Variants in IL1RAPL2 observed in about 807,000 individuals in gnomAD.
The protein encoded by IL1RAPL2 is X-linked interleukin-1 receptor accessory protein-like 2.
Under a neutral mutation model 44.1 loss-of-function variants are expected in IL1RAPL2, and 3 were observed. The observed-to-expected ratio is 0.07, with a 90% CI of 0.03 to 0.18. The LOEUF (loss-of-function observed/expected upper bound fraction) is 0.18, where lower values mean the gene tolerates loss of function less well. Among genes scored for constraint, IL1RAPL2 ranks in the 10% least tolerant of loss-of-function variants. The pLI is 1.00. For synonymous variants in IL1RAPL2, 181 were observed against 178.8 expected, an observed-to-expected ratio of 1.01 and a Z score of -0.10; for missense variants, 391 against 496.4, an observed-to-expected ratio of 0.79 and a Z score of 2.02.
chrX:104,703,479 G>A (rs992568270), intron 2 of IL1RAPL2, among the ~76,000 whole-genome samples: 5 of 111,679 alleles, frequency 4.5e-5, no homozygotes, highest in African/African-American at 1.6e-4. Flanking sequence ...CTATTTATAT[G>A]ACTGTTTCCT....
At chrX:105,183,245 C>CG (rs1170235289) in intron 2 of IL1RAPL2, among the ~76,000 whole-genome samples, 9 of 110,427 alleles carry the variant, frequency 8.2e-5, no homozygotes, top group East Asian at 5.7e-4. Flanking sequence ...GGGGAGTAGG[C>CG]GGGGGGGCAA....
intron 2 of IL1RAPL2, among the ~76,000 whole-genome samples, chrX:104,950,506 G>C (rs915251905): frequency 8.9e-6 from 1 of 112,324 alleles, no homozygotes; most frequent in Non-Finnish European, 1.9e-5. Flanking sequence ...CACCCATTTC[G>C]AGCTTCGGGG....
intron 2 of IL1RAPL2, among the ~76,000 whole-genome samples, chrX:104,911,763 C>A (rs1924245747): frequency 8.9e-6 from 1 of 112,097 alleles, no homozygotes; most frequent in Non-Finnish European, 1.9e-5. Context: ...ATCACCATCT[C>A]TTGCTACTCT....
At chrX:104,950,808 C>T (rs762303077) in intron 2 of IL1RAPL2, among the ~76,000 whole-genome samples, 19 of 110,628 alleles carry the variant, frequency 1.7e-4, no homozygotes, top group Non-Finnish European at 3.2e-4. Context: ...CTGGGGTTCA[C>T]GTCATTCTCC....
At chrX:104,741,094 G>A (rs969846622) in intron 2 of IL1RAPL2, among the ~76,000 whole-genome samples, 3 of 111,491 alleles carry the variant, frequency 2.7e-5, no homozygotes, top group African/African-American at 3.3e-5. Flanking sequence ...CTTTAAGAGA[G>A]CCATTGTAAT....
intron 2 of IL1RAPL2, among the ~76,000 whole-genome samples, chrX:104,747,638 G>T (rs1421005340): frequency 9.0e-6 from 1 of 110,992 alleles, no homozygotes; most frequent in Non-Finnish European, 1.9e-5. Flanking sequence ...ATTAAGCTGT[G>T]GTCTAAAGTT....
At chrX:105,267,182 G>C (rs2034409501) in intron 4 of IL1RAPL2, among the ~76,000 whole-genome samples, 1 of 111,322 alleles carries the variant, frequency 9.0e-6, no homozygotes, top group Admixed American at 9.6e-5. Context: ...CCTTTGAAGT[G>C]GTTTGTAGTG....
intron 2 of IL1RAPL2, among the ~76,000 whole-genome samples, chrX:104,697,791 T>C (rs1931206154): frequency 8.9e-6 from 1 of 112,290 alleles, no homozygotes; most frequent in Non-Finnish European, 1.9e-5. Context: ...CTGCAATGAA[T>C]AGACAGAAAT....
intron 5 of IL1RAPL2, among the ~76,000 whole-genome samples, chrX:105,295,790 C>T (rs1433379513): frequency 9.0e-6 from 1 of 111,550 alleles, no homozygotes; most frequent in Non-Finnish European, 1.9e-5. Flanking sequence ...GAGTATAGCA[C>T]TGAATTACTT....
chrX:105,073,183 A>G (rs1472221433), intron 2 of IL1RAPL2, among the ~76,000 whole-genome samples: 1 of 76,081 alleles, frequency 1.3e-5, no homozygotes, highest in African/African-American at 4.8e-5. Flanking sequence ...TCCTAATGCT[A>G]TCCCTCCCCC....
At chrX:105,326,925 A>G (rs1468016805) in intron 5 of IL1RAPL2, among the ~76,000 whole-genome samples, 1 of 111,714 alleles carries the variant, frequency 9.0e-6, no homozygotes, top group African/African-American at 3.3e-5. Context: ...AGATTTTGAT[A>G]GGCGAATGTC....
chrX:104,616,864 G>A (rs756957493), intron 1 of IL1RAPL2, among the ~76,000 whole-genome samples: 18 of 112,086 alleles, frequency 1.6e-4, no homozygotes, highest in African/African-American at 4.2e-4. Flanking sequence ...CCGGCTCTGC[G>A]TGAATTACCC....
At chrX:105,370,627 T>C (rs2035331567) in intron 5 of IL1RAPL2, among the ~76,000 whole-genome samples, 1 of 112,371 alleles carries the variant, frequency 8.9e-6, no homozygotes, top group Non-Finnish European at 1.9e-5. Context: ...TAGTCTACCA[T>C]TGATAGGTAC....
chrX:105,163,168 A>G (rs1404664245), intron 2 of IL1RAPL2, among the ~76,000 whole-genome samples: 2 of 111,628 alleles, frequency 1.8e-5, no homozygotes, highest in Non-Finnish European at 3.8e-5. Flanking sequence ...CTACCGTGGT[A>G]GAATTGAGTA....
intron 2 of IL1RAPL2, among the ~76,000 whole-genome samples, chrX:104,832,251 T>G (rs907439394): frequency 4.4e-4 from 49 of 112,280 alleles, no homozygotes; most frequent in African/African-American, 1.5e-3. Context: ...ATTTAATTTT[T>G]TTGTTTTTGC....
chrX:105,570,849 A>G (rs1012845959), intron 6 of IL1RAPL2, among the ~76,000 whole-genome samples: 1 of 111,772 alleles, frequency 8.9e-6, no homozygotes, highest in African/African-American at 3.2e-5. Flanking sequence ...AGTGATCACA[A>G]TGCCATGCAT....
intron 4 of IL1RAPL2, among the ~76,000 whole-genome samples, chrX:105,247,603 ATGTGTGTGTGTGTGTG>A (rs10588244): frequency 7.4e-5 from 7 of 95,054 alleles, no homozygotes; most frequent in Non-Finnish European, 1.1e-4. Context: ...ATATATATAT[ATGTGTGTGTGTGTGTG>A]TGTGTGTGTG....
intron 3 of IL1RAPL2, among the ~76,000 whole-genome samples, chrX:105,233,082 G>T (rs782386819): frequency 8.9e-6 from 1 of 111,786 alleles, no homozygotes; most frequent in African/African-American, 3.2e-5. Context: ...AGCAGATCCA[G>T]ACCATCCTGG....
At chrX:105,427,007 T>C (rs1309314347) in intron 5 of IL1RAPL2, among the ~76,000 whole-genome samples, 1 of 112,674 alleles carries the variant, frequency 8.9e-6, no homozygotes, top group Admixed American at 9.4e-5. Context: ...CAAAGTGGTT[T>C]GGGTTCAAAG....
Sources: gnomAD v4.1 joint callset for allele counts (sites outside exome capture counted in the v4.1 genomes callset) on GRCh38, gnomAD v4.1.1 for gene constraint, MANE v1.5 for transcripts, NCBI Gene and HGNC (gene_info 2026-07-23, HGNC 2026-07-21) for gene names.